The following YWHAQ variants were observed in gnomAD, a reference collection of about 807,000 sequenced individuals.
YWHAQ encodes the protein tyrosine 3-monooxygenase/tryptophan 5-monooxygenase activation protein theta.
In YWHAQ, 6 loss-of-function variants were observed where a neutral mutation model predicts 28.3. That is an observed-to-expected ratio of 0.21 (90% CI 0.12 to 0.42). The LOEUF is 0.42. YWHAQ is among the 10% of genes least tolerant of loss of function. YWHAQ has a pLI of 1.00. For synonymous variants in YWHAQ, 143 were observed against 119.1 expected, an observed-to-expected ratio of 1.20 and a Z score of -1.31; for missense variants, 201 against 305.6, an observed-to-expected ratio of 0.66 and a Z score of 2.55.
At chr2:9,603,473 C>T (rs993515526) in intron 2 of YWHAQ, among the ~76,000 whole-genome samples, 1 of 151,278 alleles carries the variant, frequency 6.6e-6, no homozygotes, top group African/African-American at 2.4e-5. Flanking sequence ...CGGGGTTTCT[C>T]CATGTTGGCC....
chr2:9,617,559 G>A (rs773767146), intron 2 of YWHAQ, among the ~76,000 whole-genome samples: 1 of 152,136 alleles, frequency 6.6e-6, no homozygotes, highest in Non-Finnish European at 1.5e-5. Context: ...CAAAATGAAT[G>A]TACTTAATAC....
intron 2 of YWHAQ, among the ~76,000 whole-genome samples, chr2:9,616,574 ATT>A (rs1667045370): frequency 6.8e-6 from 1 of 146,788 alleles, no homozygotes; most frequent in South Asian, 2.1e-4. Flanking sequence ...TCCATAATAT[ATT>A]TAAAAAAAAA....
chr2:9,586,815 A>T (rs1041215790), intron 5 of YWHAQ, among the ~76,000 whole-genome samples: 1 of 152,212 alleles, frequency 6.6e-6, no homozygotes, highest in East Asian at 1.9e-4. Flanking sequence ...GATTTTACCT[A>T]TCAAATTTAC....
At chr2:9,604,115 C>T (rs915552410) in intron 2 of YWHAQ, among the ~76,000 whole-genome samples, 2 of 152,068 alleles carry the variant, frequency 1.3e-5, no homozygotes, top group Admixed American at 6.6e-5. Context: ...GTCAGTGCTA[C>T]GCTCCCCACC....
chr2:9,604,981 T>G (rs1458796343), intron 2 of YWHAQ, among the ~76,000 whole-genome samples: 1 of 152,184 alleles, frequency 6.6e-6, no homozygotes, highest in African/African-American at 2.4e-5. Flanking sequence ...TGGCAACATG[T>G]TGAAATGGAT....
intron 2 of YWHAQ, among the ~76,000 whole-genome samples, chr2:9,601,488 A>C (rs1165593002): frequency 6.6e-6 from 1 of 152,200 alleles, no homozygotes; most frequent in Non-Finnish European, 1.5e-5. Context: ...CAAACAAAAA[A>C]TATTATAATT....
rs570416929 is a variant in YWHAQ at position 9,630,657 on chromosome 2, G to A, written c.-82-123C>T. ...GGCCGCTTGAATTTCCCTCTCCCCC[G>A]CCCCCTCCCCCGCTGGGCACCCGGG... On this transcript the variant is annotated intron_variant, in intron 1 of 5. Coordinates refer to ENST00000238081, the MANE Select transcript of YWHAQ (RefSeq NM_006826.4). This position sits in a 1 kb window ranked among gnomAD's most constrained non-coding sequence, Gnocchi z 5.6. The A allele has an allele frequency of 8.1e-5, 37 of 454,460 alleles. No homozygotes were observed. In the South Asian group the frequency reaches 1.2e-3, roughly 15 times the overall value. The allele number at this position is 454,460 out of a possible 1,614,324, so 28.2% of individuals were successfully genotyped here. A position where few individuals can be genotyped will look rare whatever the true frequency, so the allele number is the denominator to read the frequency against.
intron 2 of YWHAQ, among the ~76,000 whole-genome samples, chr2:9,627,783 G>A (rs1416274657): frequency 6.6e-6 from 1 of 152,062 alleles, no homozygotes; most frequent in Non-Finnish European, 1.5e-5. Context: ...GTCTCCTGCA[G>A]CAACTCTGCA....
At chr2:9,619,560 C>A (rs1277709191) in intron 2 of YWHAQ, among the ~76,000 whole-genome samples, 3 of 151,020 alleles carry the variant, frequency 2.0e-5, no homozygotes, top group African/African-American at 7.4e-5. Flanking sequence ...CAAAAAAAAA[C>A]ATACACAAAA....
chr2:9,585,100 G>A lies in YWHAQ; in HGVS notation c.*186C>T, dbSNP rs1368143224. The stretch of plus-strand genomic sequence containing the variant: ...TTTTCTACAGCAGTACTGCACACCA[G>A]GAAGGCCAAGACAAACACAAATCAA... On this transcript the variant is annotated 3_prime_UTR_variant, in exon 6 of 6. Transcript: ENST00000238081. 1 of 638,544 alleles carries A rather than the reference G, an allele frequency of 1.6e-6. No homozygotes were observed. The highest frequency in any genetic ancestry group is 2.8e-5 in the East Asian group (1 of 35,814). 39.6% of individuals were successfully genotyped at this position (638,544 alleles called of 1,614,324 possible).
At chr2:9,605,124 C>T (rs1449554975) in intron 2 of YWHAQ, among the ~76,000 whole-genome samples, 1 of 148,418 alleles carries the variant, frequency 6.7e-6, no homozygotes, top group Non-Finnish European at 1.5e-5. Context: ...ATGATAGTTT[C>T]CCCATTCTGT....
At chr2:9,590,971 A>G (rs1285210574) in intron 3 of YWHAQ, among the ~76,000 whole-genome samples, 1 of 152,256 alleles carries the variant, frequency 6.6e-6, no homozygotes, top group African/African-American at 2.4e-5. Flanking sequence ...GACAAACAGC[A>G]AAAGCACAAC....
chr2:9,612,298 C>T (rs71437670), intron 2 of YWHAQ, among the ~76,000 whole-genome samples: 2 of 152,210 alleles, frequency 1.3e-5, no homozygotes, highest in Non-Finnish European at 2.9e-5. Flanking sequence ...ATCTTAAATT[C>T]CATTGCGGGC....
intron 5 of YWHAQ, among the ~76,000 whole-genome samples, chr2:9,586,209 T>C (rs1174503413): frequency 6.6e-6 from 1 of 152,210 alleles, no homozygotes; most frequent in Non-Finnish European, 1.5e-5. Flanking sequence ...TGTGCATGTA[T>C]AGACAGGGTT....
intron 2 of YWHAQ, among the ~76,000 whole-genome samples, chr2:9,610,572 A>C (rs1406343708): frequency 6.6e-6 from 1 of 152,108 alleles, no homozygotes; most frequent in Non-Finnish European, 1.5e-5. Flanking sequence ...GCAACGGCGC[A>C]ATCTCGGCTC....
Position 9,630,982 on chromosome 2 carries a change from A to T in YWHAQ, c.-124T>A, listed in dbSNP as rs1667367446. 1 of 152,566 alleles carries T rather than the reference A, an allele frequency of 6.6e-6. No homozygotes were observed. Among genetic ancestry groups the T allele is most frequent in the Admixed American group, 6.5e-5 (1 of 15,290 alleles). The allele number at this position is 152,566 out of a possible 1,614,324, so 9.5% of individuals were successfully genotyped here. On this transcript the variant is annotated 5_prime_UTR_variant, in exon 1 of 6. Coordinates refer to ENST00000238081, the MANE Select transcript of YWHAQ (RefSeq NM_006826.4). The surrounding 1 kb of genome is among the most constrained non-coding windows in gnomAD (Gnocchi z 5.6). The stretch of plus-strand genomic sequence containing the variant: ...CCGCGACGCGAGTCCCACCACTTTG[A>T]TCTGCTTTTGGCTTTAGCTGAGGAC...
At chr2:9,603,861 G>A (rs1666764354) in intron 2 of YWHAQ, among the ~76,000 whole-genome samples, 2 of 152,048 alleles carry the variant, frequency 1.3e-5, no homozygotes, top group Non-Finnish European at 2.9e-5. Flanking sequence ...GGAGGAGGAG[G>A]TCACAGTGAG....
At chr2:9,621,348 A>C (rs768976045) in intron 2 of YWHAQ, among the ~76,000 whole-genome samples, 7 of 152,190 alleles carry the variant, frequency 4.6e-5, no homozygotes, top group Non-Finnish European at 1.0e-4. Context: ...CGTTCTATAC[A>C]TTCTCGTATC....
At chr2:9,594,716 C>T (rs904903717) in intron 2 of YWHAQ, among the ~76,000 whole-genome samples, 2 of 152,206 alleles carry the variant, frequency 1.3e-5, no homozygotes, top group African/African-American at 4.8e-5. Flanking sequence ...AAAAAAGCTA[C>T]TCAGTACCTT....
Sources: allele counts gnomAD v4.1 joint callset (sites outside exome capture counted in the v4.1 genomes callset), GRCh38; gene constraint gnomAD v4.1.1; non-coding constraint Gnocchi (gnomAD v3.1); transcripts MANE v1.5; gene names NCBI Gene and HGNC (gene_info 2026-07-23, HGNC 2026-07-21).